The following ARHGAP15 variants were observed in gnomAD, a reference collection of about 807,000 sequenced individuals.
The protein encoded by ARHGAP15 is Rho GTPase activating protein 15, also known as rho GTPase-activating protein 15.
A neutral mutation model predicts 63.7 loss-of-function variants in ARHGAP15; 51 were observed. The observed-to-expected ratio is 0.80, with a 90% CI of 0.64 to 1.01. ARHGAP15 has a LOEUF of 1.01. ARHGAP15 is among the 50% of genes least tolerant of loss of function. The probability of loss-of-function intolerance (pLI) is 0.00; values close to 1 mark genes in which losing one functional copy is unlikely to be tolerated. For missense variants in ARHGAP15, 560 were observed against 564.6 expected, an observed-to-expected ratio of 0.99 and a Z score of 0.08; for synonymous variants, 191 against 193.8, an observed-to-expected ratio of 0.99 and a Z score of 0.12.
intron 13 of ARHGAP15, among the ~76,000 whole-genome samples, chr2:143,739,236 A>T (rs75594784): frequency 1.8e-3 from 281 of 152,284 alleles, no homozygotes; most frequent in African/African-American, 6.3e-3. Flanking sequence ...CCTTAGAAGA[A>T]GATGATAGCA....
intron 6 of ARHGAP15, among the ~76,000 whole-genome samples, chr2:143,413,676 G>GT (rs2105029027): frequency 6.6e-6 from 1 of 152,130 alleles, no homozygotes; most frequent in South Asian, 2.1e-4. Flanking sequence ...GTCTTACTAT[G>GT]TTGCCCAGGC....
intron 10 of ARHGAP15, 112 bp from the exon 11 acceptor site, chr2:143,556,295 TG>T: frequency 2.8e-6 from 2 of 720,270 alleles, no homozygotes; most frequent in Non-Finnish European, 4.5e-6. Flanking sequence ...ACACACAAAT[TG>T]GTTTTATCTG....
intron 12 of ARHGAP15, among the ~76,000 whole-genome samples, chr2:143,693,464 T>G (rs1399645982): frequency 6.6e-6 from 1 of 152,244 alleles, no homozygotes. Context: ...CTGGCTTGTT[T>G]ATTCCTAATG....
At chr2:143,370,347 G>T (rs1189571508) in intron 6 of ARHGAP15, among the ~76,000 whole-genome samples, 1 of 151,788 alleles carries the variant, frequency 6.6e-6, no homozygotes, top group Non-Finnish European at 1.5e-5. Context: ...GGGGACTGTT[G>T]TGGGGTGGGG....
chr2:143,626,404 G>C (rs1698836633), intron 12 of ARHGAP15, among the ~76,000 whole-genome samples: 1 of 152,088 alleles, frequency 6.6e-6, no homozygotes, highest in Non-Finnish European at 1.5e-5. Flanking sequence ...CTGCCGGTGG[G>C]TTCGTGGTCT....
At chr2:143,166,533 A>G (rs1401091059) in intron 2 of ARHGAP15, among the ~76,000 whole-genome samples, 3 of 152,120 alleles carry the variant, frequency 2.0e-5, no homozygotes, top group African/African-American at 7.2e-5. Context: ...TAGAATCTTT[A>G]CCTGGAATAG....
chr2:143,323,003 G>T (rs1376620814), intron 6 of ARHGAP15, among the ~76,000 whole-genome samples: 1 of 152,208 alleles, frequency 6.6e-6, no homozygotes, highest in East Asian at 1.9e-4. Flanking sequence ...GTGCTGAATA[G>T]TTAAAAGCTT....
chr2:143,354,984 T>TTTTTTC (rs1444579693), intron 6 of ARHGAP15, among the ~76,000 whole-genome samples: 1 of 152,214 alleles, frequency 6.6e-6, no homozygotes, highest in East Asian at 1.9e-4. Flanking sequence ...TTTTTCATTG[T>TTTTTTC]AAGCGTTTTT....
intron 10 of ARHGAP15, among the ~76,000 whole-genome samples, chr2:143,549,410 A>G (rs1695464780): frequency 6.6e-6 from 1 of 152,210 alleles, no homozygotes; most frequent in African/African-American, 2.4e-5. Flanking sequence ...ATGGGATCAA[A>G]CAAATAGAGA....
intron 13 of ARHGAP15, among the ~76,000 whole-genome samples, chr2:143,721,478 C>G (rs1287753941): frequency 2.0e-5 from 3 of 152,128 alleles, no homozygotes; most frequent in African/African-American, 7.2e-5. Context: ...AAGTGTCCAG[C>G]TGTAGTGCTG....
intron 6 of ARHGAP15, among the ~76,000 whole-genome samples, chr2:143,325,726 C>G (rs1469977758): frequency 6.6e-6 from 1 of 152,090 alleles, no homozygotes; most frequent in East Asian, 1.9e-4. Context: ...AAAAATCACT[C>G]TAAGCCTCTC....
At chr2:143,570,962 G>A (rs1375173663) in intron 11 of ARHGAP15, among the ~76,000 whole-genome samples, 1 of 152,192 alleles carries the variant, frequency 6.6e-6, no homozygotes, top group African/African-American at 2.4e-5. Flanking sequence ...GAACCTGGCA[G>A]CACAGTAGGA....
At chr2:143,441,632 A>G (rs527680925) in intron 8 of ARHGAP15, among the ~76,000 whole-genome samples, 1 of 152,334 alleles carries the variant, frequency 6.6e-6, no homozygotes, top group Admixed American at 6.5e-5. Context: ...TAGTAGTAAT[A>G]TATCTCATAC....
intron 9 of ARHGAP15, among the ~76,000 whole-genome samples, chr2:143,511,304 A>AT (rs536455508): frequency 4.6e-5 from 7 of 152,078 alleles, no homozygotes; most frequent in South Asian, 4.2e-4. Flanking sequence ...CAGAAAATGA[A>AT]TTTTTTTTCC....
chr2:143,478,869 G>A (rs1380293207), intron 8 of ARHGAP15, among the ~76,000 whole-genome samples: 1 of 152,142 alleles, frequency 6.6e-6, no homozygotes, highest in Non-Finnish European at 1.5e-5. Context: ...CACATGTCAT[G>A]TATGTTTTTC....
chr2:143,331,283 T>C (rs1684535501), intron 6 of ARHGAP15, among the ~76,000 whole-genome samples: 1 of 152,168 alleles, frequency 6.6e-6, no homozygotes, highest in African/African-American at 2.4e-5. Context: ...TTGTGAAGCT[T>C]TCCTTGCTCC....
intron 6 of ARHGAP15, among the ~76,000 whole-genome samples, chr2:143,258,512 A>C (rs902458829): frequency 6.6e-6 from 1 of 152,184 alleles, no homozygotes; most frequent in African/African-American, 2.4e-5. Flanking sequence ...GTAAGAGTTA[A>C]ACATACTACT....
At chr2:143,704,167 T>TAG (rs1684221017) in intron 13 of ARHGAP15, among the ~76,000 whole-genome samples, 1 of 152,182 alleles carries the variant, frequency 6.6e-6, no homozygotes, top group Admixed American at 6.5e-5. Flanking sequence ...TCAGATCACA[T>TAG]AGGTTCTTGT....
At chr2:143,231,709 G>T (rs1693449558) in intron 5 of ARHGAP15, among the ~76,000 whole-genome samples, 1 of 152,160 alleles carries the variant, frequency 6.6e-6, no homozygotes, top group Non-Finnish European at 1.5e-5. Context: ...AGTACCAATG[G>T]CTGGGTGGCT....
Sources: gnomAD v4.1 joint callset for allele counts (sites outside exome capture counted in the v4.1 genomes callset) on GRCh38, gnomAD v4.1.1 for gene constraint, MANE v1.5 for transcripts, NCBI Gene and HGNC (gene_info 2026-07-23, HGNC 2026-07-21) for gene names.